The following PCSK5 variants were observed in gnomAD, a reference collection of about 807,000 sequenced individuals.
The protein encoded by PCSK5 is proprotein convertase subtilisin/kexin type 5.
PCSK5 carries 129 observed loss-of-function variants against 233.2 expected under a neutral mutation model. The ratio of observed to expected loss-of-function variants is 0.55; its 90% CI spans 0.48 to 0.64. The LOEUF (loss-of-function observed/expected upper bound fraction) is 0.64. Ranked by LOEUF, PCSK5 falls within the 30% of genes least tolerant of loss-of-function variation. The pLI is 0.00. For missense variants in PCSK5, 2,076 were observed against 2,430.1 expected, an observed-to-expected ratio of 0.85 and a Z score of 3.06; for synonymous variants, 825 against 879.2, an observed-to-expected ratio of 0.94 and a Z score of 1.09.
At chr9:76,356,482 A>AGGT (rs1212641676) in intron 37 of PCSK5, among the ~76,000 whole-genome samples, 3 of 152,208 alleles carry the variant, frequency 2.0e-5, no homozygotes, top group African/African-American at 7.2e-5. Context: ...CAACCTCAAA[A>AGGT]GGTTTTCATA....
intron 12 of PCSK5, among the ~76,000 whole-genome samples, chr9:76,160,054 C>T (rs1170763224): frequency 6.6e-6 from 1 of 152,086 alleles, no homozygotes; most frequent in Non-Finnish European, 1.5e-5. Context: ...ATCTCCTGAC[C>T]TCGTGATCCA....
intron 7 of PCSK5, among the ~76,000 whole-genome samples, chr9:76,088,838 G>A (rs927335033): frequency 1.3e-5 from 2 of 151,792 alleles, no homozygotes; most frequent in African/African-American, 4.8e-5. Context: ...GAAGCAATAT[G>A]TTTCAGAATT....
intron 36 of PCSK5, among the ~76,000 whole-genome samples, chr9:76,351,647 G>C (rs1428786698): frequency 7.2e-6 from 1 of 138,538 alleles, no homozygotes; most frequent in Non-Finnish European, 1.6e-5. Flanking sequence ...AAAGAAGAAA[G>C]AAAGAGAGAG....
At chr9:76,238,714 C>A (rs1826331872) in intron 22 of PCSK5, among the ~76,000 whole-genome samples, 1 of 152,222 alleles carries the variant, frequency 6.6e-6, no homozygotes, top group South Asian at 2.1e-4. Context: ...AATGACATCC[C>A]AGATAGTAGT....
chr9:76,129,074 C>T (rs750896007), intron 9 of PCSK5, among the ~76,000 whole-genome samples: 6 of 152,174 alleles, frequency 3.9e-5, no homozygotes, highest in Non-Finnish European at 5.9e-5. Flanking sequence ...CACTTTCATA[C>T]ACTAGCTGCA....
intron 9 of PCSK5, among the ~76,000 whole-genome samples, chr9:76,113,826 C>T (rs967737263): frequency 2.0e-4 from 31 of 151,894 alleles, no homozygotes; most frequent in African/African-American, 7.0e-4. Flanking sequence ...AAAATTTTCC[C>T]GAGGGCCACA....
intron 3 of PCSK5, among the ~76,000 whole-genome samples, chr9:75,992,908 C>T (rs895543286): frequency 1.2e-4 from 18 of 152,082 alleles, no homozygotes; most frequent in African/African-American, 4.3e-4. Context: ...TTCGGTTATG[C>T]GTGTGGGGCA....
intron 7 of PCSK5, among the ~76,000 whole-genome samples, chr9:76,072,926 A>G (rs1269982797): frequency 1.3e-5 from 2 of 152,202 alleles, no homozygotes; most frequent in African/African-American, 2.4e-5. Context: ...CTAGCGTTAC[A>G]TAGAGTTCTT....
At chr9:76,175,291 C>CGAATCGAATCGAATA (rs71372053) in intron 14 of PCSK5, 162 bp downstream of exon 14, 20 of 526,792 alleles carry the variant, frequency 3.8e-5, no homozygotes, top group Middle Eastern at 4.0e-4. Context: ...CGAATCGAAT[C>CGAATCGAATCGAATA]GAATAGAATA....
At chr9:76,181,734 C>G (rs1389430754) in intron 16 of PCSK5, 143 bp downstream of exon 16, 1 of 588,762 alleles carries the variant, frequency 1.7e-6, no homozygotes, top group Non-Finnish European at 3.0e-6. Context: ...TTAAGAGAAC[C>G]CTTTAGAAGC....
rs116312345 is a variant in PCSK5 at position 76,114,380 on chromosome 9, C to G, written c.1208+7029C>G. On this transcript the variant is annotated intron_variant, in intron 9 of 37. Coordinates refer to ENST00000674117, the MANE Select transcript of PCSK5 (RefSeq NM_001372043.1). ...TAGCTTTGTTATGTCTACATATACACAGACAATACACTCTGTCCTCTAGTC... is the reference window on the plus strand; with the variant it reads ...TAGCTTTGTTATGTCTACATATACAGAGACAATACACTCTGTCCTCTAGTC... Among the ~76,000 whole-genome samples, 517 of 152,270 alleles carry G rather than the reference C, an allele frequency of 3.4e-3. 4 individuals are homozygous for G. Among genetic ancestry groups the G allele is most frequent in the African/African-American group, 0.011 (475 of 41,570 alleles).
At chr9:76,331,137 C>A (rs1179751343) in intron 33 of PCSK5, among the ~76,000 whole-genome samples, 13 of 152,110 alleles carry the variant, frequency 8.5e-5, no homozygotes, top group Non-Finnish European at 1.6e-4. Context: ...CTGTCCCACA[C>A]CACCACACCA....
chr9:75,989,122 G>A (rs746866840), intron 3 of PCSK5, among the ~76,000 whole-genome samples: 1 of 152,178 alleles, frequency 6.6e-6, no homozygotes, highest in African/African-American at 2.4e-5. Context: ...AGGACAGAAC[G>A]AGTCAGGACT....
At chr9:76,015,350 G>A (rs772854650) in intron 3 of PCSK5, among the ~76,000 whole-genome samples, 3 of 152,156 alleles carry the variant, frequency 2.0e-5, no homozygotes, top group Non-Finnish European at 4.4e-5. Context: ...CTGGAAGCAC[G>A]TGCACAGACA....
At chr9:76,080,945 T>C (rs1460691968) in intron 7 of PCSK5, among the ~76,000 whole-genome samples, 1 of 152,170 alleles carries the variant, frequency 6.6e-6, no homozygotes, top group Non-Finnish European at 1.5e-5. Context: ...TGTTGCTGAG[T>C]AACCCTTACA....
chr9:75,995,473 A>G (rs528263329), intron 3 of PCSK5, among the ~76,000 whole-genome samples: 11 of 152,316 alleles, frequency 7.2e-5, no homozygotes, highest in African/African-American at 2.6e-4. Context: ...GTAAAAGAAG[A>G]AATAAGTGTT....
At chr9:76,128,813 C>A (rs78224823) in intron 9 of PCSK5, among the ~76,000 whole-genome samples, 2,091 of 152,236 alleles carry the variant, frequency 0.014, 51 homozygotes, top group African/African-American at 0.048. Flanking sequence ...AATACCAATA[C>A]AACTCACATT....
intron 1 of PCSK5, among the ~76,000 whole-genome samples, chr9:75,898,395 A>G (rs1825896384): frequency 1.3e-5 from 2 of 152,228 alleles, no homozygotes; most frequent in Admixed American, 6.5e-5. Context: ...AGCAAAGTTC[A>G]TATGCTGCTT....
At chr9:76,200,806 G>A (rs549121073) in intron 20 of PCSK5, among the ~76,000 whole-genome samples, 1 of 152,312 alleles carries the variant, frequency 6.6e-6, no homozygotes, top group East Asian at 1.9e-4. Context: ...AGGATGGAGA[G>A]ATGAGTGGGG....
Sources: gnomAD v4.1 joint callset for allele counts (sites outside exome capture counted in the v4.1 genomes callset) on GRCh38, gnomAD v4.1.1 for gene constraint, MANE v1.5 for transcripts, NCBI Gene and HGNC (gene_info 2026-07-23, HGNC 2026-07-21) for gene names.